The following WBP2NL variants were observed in gnomAD, a reference collection of about 807,000 sequenced individuals.
The protein encoded by WBP2NL is WBP2 N-terminal like.
WBP2NL carries 27 observed loss-of-function variants against 23.3 expected under a neutral mutation model. That is an observed-to-expected ratio of 1.16 (90% CI 0.85 to 1.60). WBP2NL has a LOEUF of 1.60. WBP2NL is among the 40% of genes most tolerant of loss of function. The pLI is 0.00. For missense variants in WBP2NL, 370 were observed against 389.5 expected, an observed-to-expected ratio of 0.95 and a Z score of 0.42; for synonymous variants, 151 against 145.9, an observed-to-expected ratio of 1.03 and a Z score of -0.25.
At chr22:42,017,135 CTCTT>C (rs1923375430) in intron 1 of WBP2NL, among the ~76,000 whole-genome samples, 1 of 152,128 alleles carries the variant, frequency 6.6e-6, no homozygotes, top group African/African-American at 2.4e-5. Context: ...CTCTCTCTCT[CTCTT>C]TTTTTTGAAA....
At chr22:42,045,298 G>A (rs133356) in intron 8 of WBP2NL, among the ~76,000 whole-genome samples, 94,867 of 151,768 alleles carry the variant, frequency 0.63, 30,219 homozygotes, top group East Asian at 0.85. Context: ...AAAATTAGCC[G>A]GGCATGGTGG....
intron 1 of WBP2NL, among the ~76,000 whole-genome samples, chr22:42,014,264 C>T (rs140323413): frequency 3.0e-3 from 457 of 152,134 alleles, no homozygotes; most frequent in African/African-American, 0.01. Flanking sequence ...CTCCCTCTGT[C>T]ACCCAGGCTG....
At chr22:42,001,083 TG>T in intron 1 of WBP2NL, 1 of 1,002,068 alleles carries the variant, frequency 1.0e-6, no homozygotes, top group Non-Finnish European at 1.6e-6. Flanking sequence ...ATGTACTTCT[TG>T]GTTTCATCAT....
chr22:42,008,037 G>A (rs1000695077), intron 1 of WBP2NL, among the ~76,000 whole-genome samples: 3 of 151,374 alleles, frequency 2.0e-5, no homozygotes, highest in East Asian at 1.9e-4. Context: ...CAAGAGTTCC[G>A]GTTTCTCCAC....
At chr22:42,012,561 A>G (rs1293497572) in intron 1 of WBP2NL, among the ~76,000 whole-genome samples, 1 of 152,200 alleles carries the variant, frequency 6.6e-6, no homozygotes. Flanking sequence ...CAGAAAACAT[A>G]TTATAAAATA....
intron 5 of WBP2NL, among the ~76,000 whole-genome samples, chr22:42,024,029 T>C (rs941003249): frequency 6.6e-6 from 1 of 152,216 alleles, no homozygotes; most frequent in African/African-American, 2.4e-5. Flanking sequence ...TCCTCTAATC[T>C]GCTTTCTGTC....
intron 8 of WBP2NL, among the ~76,000 whole-genome samples, chr22:42,047,319 T>C (rs1385629771): frequency 6.7e-6 from 1 of 148,360 alleles, no homozygotes; most frequent in Non-Finnish European, 1.5e-5. Context: ...AAACACTTGC[T>C]GACTCATTCT....
chr22:42,027,189 A>G lies in WBP2NL; in HGVS notation c.*8A>G. ...TCTCAGGTCCATTCTTAACCTTCTA[A>G]GATGTAAACCTTGAAGACTCACCAA... On this transcript the variant is annotated 3_prime_UTR_variant, in exon 6 of 6. Coordinates refer to ENST00000328823, the MANE Select transcript of WBP2NL (RefSeq NM_152613.3). The G allele has an allele frequency of 6.3e-7, 1 of 1,595,080 alleles. No homozygotes were observed. The highest frequency in any genetic ancestry group is 8.5e-7 in the Non-Finnish European group (1 of 1,171,920).
At chr22:41,999,022 G>A in intron 1 of WBP2NL, 142 bp downstream of exon 1, 2 of 1,019,440 alleles carry the variant, frequency 2.0e-6, no homozygotes, top group Non-Finnish European at 2.7e-6. Context: ...CGACCTTTGG[G>A]AGCGCGCGCC....
chr22:42,023,360 T>C (rs1221474483), intron 5 of WBP2NL, among the ~76,000 whole-genome samples: 1 of 151,934 alleles, frequency 6.6e-6, no homozygotes, highest in East Asian at 1.9e-4. Context: ...GCCCGGCTAA[T>C]TTTTATGTGT....
chr22:42,007,359 TA>T (rs1922347984), intron 1 of WBP2NL, among the ~76,000 whole-genome samples: 1 of 152,180 alleles, frequency 6.6e-6, no homozygotes, highest in Non-Finnish European at 1.5e-5. Flanking sequence ...ATTAGACTTT[TA>T]AAAAGAGATT....
chr22:42,019,418 G>T lies in WBP2NL; in HGVS notation c.170G>T (p.Arg57Leu). ...KTGTLFLTSY[R>L]VIFITSCSIS... ...GGAACATTGTTTCTCACTTCATACC[G>T]GGTAATTTCTACTTCTACTTTAATC... The change falls in exon 2 of 6, where the codon CGG (arginine) becomes CTG (leucine). Residue 57 changes from arginine (R) to leucine (L), a missense_variant and splice_region_variant. Transcript: ENST00000328823. 6.2e-7 allele frequency: 1 copy of T among 1,611,490 alleles called. No individual in the cohort carries two copies. Among genetic ancestry groups the T allele is most frequent in the Non-Finnish European group, 8.5e-7 (1 of 1,178,916 alleles).
intron 1 of WBP2NL, among the ~76,000 whole-genome samples, chr22:42,008,981 G>A (rs1011216202): frequency 1.3e-5 from 2 of 152,002 alleles, no homozygotes; most frequent in African/African-American, 2.4e-5. Flanking sequence ...GGGTTTCACC[G>A]TGTTAGCCAG....
At chr22:42,015,015 A>G (rs1923178311) in intron 1 of WBP2NL, among the ~76,000 whole-genome samples, 1 of 152,156 alleles carries the variant, frequency 6.6e-6, no homozygotes, top group Non-Finnish European at 1.5e-5. Context: ...GTATTCCCAT[A>G]CTTTCTTGTT....
chr22:42,030,030 G>A (rs1450473463), downstream of WBP2NL: 1 of 152,206 alleles, frequency 6.6e-6, no homozygotes, highest in Non-Finnish European at 1.5e-5. Context: ...AAGTCAGGTA[G>A]ATATTAATGG....
chr22:42,029,412 C>T (rs904753292), downstream of WBP2NL, among the ~76,000 whole-genome samples: 2 of 151,554 alleles, frequency 1.3e-5, no homozygotes, highest in Non-Finnish European at 2.9e-5. Context: ...TGCTTTATCA[C>T]CCAGGCTGGA....
At chr22:42,005,722 G>A (rs1922167652) in intron 1 of WBP2NL, among the ~76,000 whole-genome samples, 1 of 152,226 alleles carries the variant, frequency 6.6e-6, no homozygotes, top group Non-Finnish European at 1.5e-5. Context: ...GGAGCCAAAA[G>A]TGTAGTGCCC....
At chr22:42,003,568 C>T (rs1921917631) in intron 1 of WBP2NL, 2 of 151,690 alleles carry the variant, frequency 1.3e-5, no homozygotes, top group South Asian at 4.2e-4. Flanking sequence ...CCGAATAAAG[C>T]AAGTTTGTAC....
downstream of WBP2NL, among the ~76,000 whole-genome samples, chr22:42,034,023 G>A (rs1925088260): frequency 6.6e-6 from 1 of 152,200 alleles, no homozygotes; most frequent in African/African-American, 2.4e-5. Flanking sequence ...TTCCGTTGAT[G>A]GTACCCAGGC....
Sources: allele counts gnomAD v4.1 joint callset (sites outside exome capture counted in the v4.1 genomes callset), GRCh38; gene constraint gnomAD v4.1.1; transcripts MANE v1.5; gene names NCBI Gene and HGNC (gene_info 2026-07-23, HGNC 2026-07-21).